TGFB2: variants seen among roughly 807,000 people sequenced by gnomAD.
TGFB2 encodes the protein transforming growth factor beta 2.
In TGFB2, 13 loss-of-function variants were observed where a neutral mutation model predicts 42.7. The ratio of observed to expected loss-of-function variants is 0.30; its 90% CI spans 0.20 to 0.48. TGFB2 has a LOEUF of 0.48. TGFB2 is among the 20% of genes least tolerant of loss of function. TGFB2 has a pLI of 0.99. For missense variants in TGFB2, 390 were observed against 517.5 expected (o/e 0.75, Z 2.39); for synonymous variants, 193 against 193.6 (o/e 1.00, Z 0.03).
At chr1:218,390,188 C>G (rs1658273646) in intron 1 of TGFB2, among the ~76,000 whole-genome samples, 1 of 152,092 alleles carries the variant, frequency 6.6e-6, no homozygotes, top group African/African-American at 2.4e-5. Flanking sequence ...GTCGTGCCCC[C>G]ACCCCGGTCT....
intron 1 of TGFB2, among the ~76,000 whole-genome samples, chr1:218,362,048 C>A (rs962721538): frequency 3.3e-5 from 5 of 152,212 alleles, no homozygotes; most frequent in Non-Finnish European, 7.3e-5. Context: ...TGTGAAAAAT[C>A]TGCCACTGGG....
chr1:218,348,034 G>A (rs1656748872), intron 1 of TGFB2, among the ~76,000 whole-genome samples: 1 of 150,998 alleles, frequency 6.6e-6, no homozygotes. Context: ...GCAGAGGAAG[G>A]GAACAGACAG....
At chr1:218,377,998 C>T (rs902047279) in intron 1 of TGFB2, among the ~76,000 whole-genome samples, 2 of 151,674 alleles carry the variant, frequency 1.3e-5, no homozygotes, top group Non-Finnish European at 2.9e-5. Flanking sequence ...GTTTTTGATA[C>T]AGAGCCTTGC....
At chr1:218,362,004 G>T (rs1657227264) in intron 1 of TGFB2, among the ~76,000 whole-genome samples, 1 of 152,206 alleles carries the variant, frequency 6.6e-6, no homozygotes, top group Non-Finnish European at 1.5e-5. Context: ...CTCAGTTAAA[G>T]AGTGTTCCGC....
intron 2 of TGFB2, among the ~76,000 whole-genome samples, chr1:218,413,933 ATGATAGGGTGAAT>A (rs1167572426): frequency 8.5e-5 from 13 of 152,190 alleles, no homozygotes; most frequent in African/African-American, 3.1e-4. Context: ...AGACTTGAGG[ATGATAGGGTGAAT>A]TGATGTTTAT....
intron 2 of TGFB2, among the ~76,000 whole-genome samples, chr1:218,420,044 G>C (rs964150532): frequency 6.6e-6 from 1 of 152,190 alleles, no homozygotes; most frequent in Non-Finnish European, 1.5e-5. Flanking sequence ...TAGGAATCAA[G>C]TTAGAAGTCT....
intron 1 of TGFB2, among the ~76,000 whole-genome samples, chr1:218,349,433 T>A (rs1656798688): frequency 1.3e-5 from 2 of 152,258 alleles, no homozygotes; most frequent in South Asian, 4.1e-4. Flanking sequence ...TTTAGGACTT[T>A]TCTGCCTAAC....
intron 1 of TGFB2, among the ~76,000 whole-genome samples, chr1:218,380,039 A>AGGT (rs1429563371): frequency 2.0e-5 from 3 of 152,332 alleles, no homozygotes; most frequent in East Asian, 3.9e-4. Flanking sequence ...TGGCAATAAT[A>AGGT]GGTATTATTA....
chr1:218,372,884 GAA>G (rs149951924), intron 1 of TGFB2, among the ~76,000 whole-genome samples: 6,100 of 152,204 alleles, frequency 0.04, 158 homozygotes, highest in Middle Eastern at 0.071. Context: ...TTTAGTTTTA[GAA>G]AGTTTCCCGG....
intron 2 of TGFB2, among the ~76,000 whole-genome samples, chr1:218,415,925 T>C (rs1203368250): frequency 6.6e-6 from 1 of 152,086 alleles, no homozygotes; most frequent in Non-Finnish European, 1.5e-5. Context: ...TCTTGTCATC[T>C]TGAACATGGT....
At chr1:218,409,665 G>GA (rs11284588) in intron 2 of TGFB2, among the ~76,000 whole-genome samples, 142 of 148,686 alleles carry the variant, frequency 9.6e-4, no homozygotes, top group East Asian at 4.4e-3. Flanking sequence ...TATTATTTTG[G>GA]AAAAAAAAAA....
chr1:218,358,849 C>T (rs1364866897), intron 1 of TGFB2, among the ~76,000 whole-genome samples: 1 of 152,060 alleles, frequency 6.6e-6, no homozygotes, highest in Non-Finnish European at 1.5e-5. Flanking sequence ...GCAGTGAACT[C>T]TTGTAATAAA....
rs587782978 is a variant in TGFB2 at position 218,434,333 on chromosome 1, T to C, written c.644-5T>C. The C allele has an allele frequency of 8.7e-6, 14 of 1,613,464 alleles. No individual in the cohort carries two copies. Among genetic ancestry groups the C allele is most frequent in the Non-Finnish European group, 7.6e-6 (9 of 1,179,556 alleles). Reference sequence around the variant, plus strand: ...AAATGACCTCCTTGACTTAATGTTTTCCAGACAGGAACCTGGGATTTAAAA... The same window carrying C: ...AAATGACCTCCTTGACTTAATGTTTCCCAGACAGGAACCTGGGATTTAAAA... On this transcript the variant is annotated splice_polypyrimidine_tract_variant and splice_region_variant and intron_variant, in intron 3 of 6. Coordinates refer to ENST00000366930, the MANE Select transcript of TGFB2 (RefSeq NM_003238.6).
Position 218,346,875 on chromosome 1 carries a change from T to G in TGFB2, c.174T>G (p.Pro58=), listed in dbSNP as rs775518697. The G allele has an allele frequency of 3.1e-6, 5 of 1,614,172 alleles. No homozygotes were observed. Among genetic ancestry groups the G allele is most frequent in the Non-Finnish European group, 4.2e-6 (5 of 1,180,046 alleles). The change falls in exon 1 of 7, where the codon CCT becomes CCG. Residue 58 remains proline, a synonymous_variant. Transcript: ENST00000366930. The surrounding 1 kb of genome is among the most constrained non-coding windows in gnomAD (Gnocchi z 4.9). ...LKLTSPPEDY[P]EPEEVPPEVI... is the part of the protein sequence containing the mutation. ...TCACCAGTCCCCCAGAAGACTATCC[T>G]GAGCCCGAGGAAGTCCCCCCGGAGG...
intron 1 of TGFB2, among the ~76,000 whole-genome samples, chr1:218,349,904 T>G (rs1389301637): frequency 6.6e-6 from 1 of 152,234 alleles, no homozygotes; most frequent in Non-Finnish European, 1.5e-5. Context: ...AATAATACTG[T>G]GTCAACATTT....
intron 1 of TGFB2, among the ~76,000 whole-genome samples, chr1:218,390,167 TA>T (rs1658272817): frequency 6.6e-6 from 1 of 151,926 alleles, no homozygotes; most frequent in Non-Finnish European, 1.5e-5. Flanking sequence ...TGGAACTAAC[TA>T]AAAGCATTTG....
chr1:218,436,153 G>A lies in TGFB2; in HGVS notation c.932+6G>A, dbSNP rs756628289. ...GATGCGGCCTATTGCTTTAGGTAAA[G>A]GAAAGAAAAGTAAAACCAAGTAATT... On this transcript the variant is annotated splice_donor_region_variant and intron_variant, in intron 5 of 6. Coordinates refer to ENST00000366930, the MANE Select transcript of TGFB2 (RefSeq NM_003238.6). 1.2e-6 allele frequency: 2 copies of A among 1,602,774 alleles called. No homozygotes were observed. Among genetic ancestry groups the A allele is most frequent in the East Asian group, 2.2e-5 (1 of 44,790 alleles).
intron 2 of TGFB2, among the ~76,000 whole-genome samples, chr1:218,412,769 C>A (rs962632647): frequency 2.0e-5 from 3 of 152,136 alleles, no homozygotes; most frequent in Non-Finnish European, 4.4e-5. Flanking sequence ...TTGATTCCTC[C>A]AGTGGGAAGA....
chr1:218,345,356 G>A lies in TGFB2; in HGVS notation c.-1346G>A, dbSNP rs1370678104. 6.6e-6 allele frequency: 1 copy of A among 152,304 alleles called. No individual in the cohort carries two copies. The highest frequency in any genetic ancestry group is 1.5e-5 in the Non-Finnish European group (1 of 68,100). The allele number at this position is 152,304 out of a possible 1,614,324, so 9.4% of individuals were successfully genotyped here. On this transcript the variant is annotated 5_prime_UTR_variant, in exon 1 of 7. Transcript: ENST00000366930. Reference sequence around the variant, plus strand: ...ATCGTGATGTTATCTGCTGGCAGCAGAAGGTTCGCTCCGAGCGGAGCTCCA... The same window carrying A: ...ATCGTGATGTTATCTGCTGGCAGCAAAAGGTTCGCTCCGAGCGGAGCTCCA...
Sources: allele counts gnomAD v4.1 joint callset (sites outside exome capture counted in the v4.1 genomes callset), GRCh38; gene constraint gnomAD v4.1.1; non-coding constraint Gnocchi (gnomAD v3.1); transcripts MANE v1.5; gene names NCBI Gene and HGNC (gene_info 2026-07-23, HGNC 2026-07-21).